The following LRP1B variants were observed in gnomAD, a reference collection of about 807,000 sequenced individuals.
The protein encoded by LRP1B is LDL receptor related protein 1B, also known as low-density lipoprotein receptor-related protein 1B.
In LRP1B, 217 loss-of-function variants were observed where a neutral mutation model predicts 556.6. That is an observed-to-expected ratio of 0.39 (90% CI 0.35 to 0.44). The LOEUF is 0.44. LRP1B is among the 20% of genes least tolerant of loss of function. The pLI, the probability that LRP1B is intolerant of heterozygous loss-of-function variation, is 1.00. For synonymous variants in LRP1B, 2,047 were observed against 1,865.8 expected (o/e 1.10, Z -2.50); for missense variants, 5,053 against 5,620.8 (o/e 0.90, Z 3.23).
chr2:141,642,713 C>T (rs1249341811), intron 2 of LRP1B, among the ~76,000 whole-genome samples: 4 of 147,260 alleles, frequency 2.7e-5, no homozygotes, highest in African/African-American at 5.3e-5. Context: ...AGAGCACCAT[C>T]GTTCATGCCT....
rs559637725 is a variant in LRP1B, at chr2:140,283,870, A to G, written c.12968-9272T>C. ...TTTATTTTTAAAGTAGTCCAGCTATAAAAGATTTTAGCAAGTAACTGTAAA... is the reference window on the plus strand; with the variant it reads ...TTTATTTTTAAAGTAGTCCAGCTATGAAAGATTTTAGCAAGTAACTGTAAA... On this transcript the variant is annotated intron_variant, in intron 84 of 90. Coordinates refer to ENST00000389484, the MANE Select transcript of LRP1B (RefSeq NM_018557.3). Among the ~76,000 whole-genome samples the G allele has an allele frequency of 6.6e-5, 10 of 151,880 alleles. No individual in the cohort carries two copies. The South Asian group carries it at 2.1e-3, about 31-fold the overall frequency.
At chr2:141,058,042 A>C (rs965207825) in intron 9 of LRP1B, among the ~76,000 whole-genome samples, 2 of 151,898 alleles carry the variant, frequency 1.3e-5, no homozygotes, top group Non-Finnish European at 2.9e-5. Context: ...TAAAGGCAAG[A>C]CTATTTTGTC....
chr2:140,331,619 C>T (rs1680816269), intron 79 of LRP1B, among the ~76,000 whole-genome samples: 1 of 151,266 alleles, frequency 6.6e-6, no homozygotes. Flanking sequence ...ATTGGAGCCC[C>T]TGGCTCAGAG....
rs1010699244 is a variant in LRP1B at position 141,333,494 on chromosome 2, TTAAA to T, written c.344-78857_344-78854del. On this transcript the variant is annotated intron_variant, in intron 3 of 90. Transcript: ENST00000389484. Reference sequence around the variant, plus strand: ...AAATATTCACAACACAAAATTATTATTAAATAAATAAAAATCATACTGTCCAAGT... The same window carrying T: ...AAATATTCACAACACAAAATTATTATTAAATAAAAATCATACTGTCCAAGT... Among the ~76,000 whole-genome samples, 7 of 152,172 alleles carry T rather than the reference TTAAA, an allele frequency of 4.6e-5. 1 individual carries two copies. Among genetic ancestry groups the T allele is most frequent in the Admixed American group, 2.6e-4 (4 of 15,272 alleles).
chr2:141,112,441 G>A (rs991048567), intron 7 of LRP1B, among the ~76,000 whole-genome samples: 7 of 152,218 alleles, frequency 4.6e-5, no homozygotes, highest in Non-Finnish European at 7.4e-5. Flanking sequence ...GTGCTGAGGT[G>A]CTGTCTAATG....
chr2:141,293,147 G>A (rs904694276), intron 3 of LRP1B, among the ~76,000 whole-genome samples: 1 of 152,114 alleles, frequency 6.6e-6, no homozygotes, highest in Non-Finnish European at 1.5e-5. Context: ...AAATGAAGGA[G>A]GAGAACATAA....
chr2:141,304,666 A>G (rs910389007), intron 3 of LRP1B, among the ~76,000 whole-genome samples: 1 of 150,306 alleles, frequency 6.7e-6, no homozygotes, highest in African/African-American at 2.4e-5. Flanking sequence ...CTATATATAT[A>G]TATTTTTTAT....
chr2:140,793,639 C>G (rs1690198726), intron 32 of LRP1B, among the ~76,000 whole-genome samples: 1 of 151,816 alleles, frequency 6.6e-6, no homozygotes, highest in South Asian at 2.1e-4. Flanking sequence ...TGCCATGTCC[C>G]TATCTTTCAC....
intron 1 of LRP1B, among the ~76,000 whole-genome samples, chr2:142,097,408 T>C (rs1030166943): frequency 2.3e-4 from 15 of 65,496 alleles, no homozygotes; most frequent in Middle Eastern, 8.6e-3. Flanking sequence ...TTTTATGATA[T>C]AATACATGTG....
At position 140,867,299 on chromosome 2, in the gene LRP1B, T is replaced by TA. The variant is rs1692980105; in HGVS notation, c.4579+290dup. ...CATGTACCACCCCCTCTCTTCCCAATATGCTACATGGTAATAATCTAAAAA... is the reference window on the plus strand; with the variant it reads ...CATGTACCACCCCCTCTCTTCCCAATAATGCTACATGGTAATAATCTAAAAA... On this transcript the variant is annotated intron_variant, in intron 27 of 90. Coordinates refer to ENST00000389484, the MANE Select transcript of LRP1B (RefSeq NM_018557.3). Among the ~76,000 whole-genome samples, 6 of 152,068 alleles carry TA rather than the reference T, an allele frequency of 3.9e-5. No homozygotes were observed. The South Asian group carries it at 1.2e-3, about 32-fold the overall frequency.
chr2:142,120,408 G>A (rs557413284), intron 1 of LRP1B, among the ~76,000 whole-genome samples: 15 of 152,188 alleles, frequency 9.9e-5, no homozygotes, highest in South Asian at 2.1e-4. Flanking sequence ...CACCATGCCC[G>A]GCCTTTACTA....
At chr2:140,556,652 G>A (rs1314151319) in intron 43 of LRP1B, among the ~76,000 whole-genome samples, 2 of 151,856 alleles carry the variant, frequency 1.3e-5, no homozygotes, top group African/African-American at 2.4e-5. Context: ...AATGGGCAAG[G>A]AAAGACTTAC....
intron 86 of LRP1B, among the ~76,000 whole-genome samples, chr2:140,258,694 C>T (rs1272663476): frequency 6.6e-6 from 1 of 152,012 alleles, no homozygotes; most frequent in Non-Finnish European, 1.5e-5. Context: ...TCAAAACAAT[C>T]TAAAGAGACA....
At chr2:141,499,461 C>G (rs1397606623) in intron 2 of LRP1B, among the ~76,000 whole-genome samples, 1 of 152,040 alleles carries the variant, frequency 6.6e-6, no homozygotes, top group Non-Finnish European at 1.5e-5. Flanking sequence ...TGTATGATCT[C>G]TCAAATCCTG....
intron 23 of LRP1B, among the ~76,000 whole-genome samples, chr2:140,900,396 T>C (rs551889576): frequency 6.6e-6 from 1 of 152,356 alleles, no homozygotes; most frequent in East Asian, 1.9e-4. Context: ...GAAATGACTA[T>C]TACCATTACA....
At chr2:141,720,855 C>A (rs1298954937) in intron 2 of LRP1B, among the ~76,000 whole-genome samples, 1 of 152,080 alleles carries the variant, frequency 6.6e-6, no homozygotes, top group African/African-American at 2.4e-5. Context: ...ACTAAATCAA[C>A]CATGAGTTGG....
intron 43 of LRP1B, chr2:140,586,615 C>T (rs898828730): frequency 1.3e-5 from 2 of 152,156 alleles, no homozygotes; most frequent in African/African-American, 4.8e-5. Context: ...ATCTAGGTAG[C>T]CTGAACTCCC....
In LRP1B at chr2:140,977,720, G is replaced by C. The variant is rs144839543; in HGVS notation, c.2887+4440C>G. ...ACTGGATCAGAGACTCTGGAAATGG[G>C]GCCCAGCACTCTGTTTTTTAACAAG... On this transcript the variant is annotated intron_variant, in intron 18 of 90. Coordinates refer to ENST00000389484, the MANE Select transcript of LRP1B (RefSeq NM_018557.3). Among the ~76,000 whole-genome samples, 306 of 152,080 alleles carry C rather than the reference G, an allele frequency of 2.0e-3. 1 individual carries two copies. The highest frequency in any genetic ancestry group is 6.8e-3 in the African/African-American group (281 of 41,492).
intron 2 of LRP1B, among the ~76,000 whole-genome samples, chr2:141,783,682 TAAGAA>T (rs954867342): frequency 2.0e-5 from 3 of 151,956 alleles, no homozygotes; most frequent in Non-Finnish European, 2.9e-5. Flanking sequence ...CCAGCATCCC[TAAGAA>T]AATATTTCAT....
Sources: gnomAD v4.1 joint callset for allele counts (sites outside exome capture counted in the v4.1 genomes callset) on GRCh38, gnomAD v4.1.1 for gene constraint, MANE v1.5 for transcripts, NCBI Gene and HGNC (gene_info 2026-07-23, HGNC 2026-07-21) for gene names.